MARCO: variants seen among roughly 807,000 people sequenced by gnomAD.
The protein encoded by MARCO is macrophage receptor MARCO.
Under a neutral mutation model 70.0 loss-of-function variants are expected in MARCO, and 72 were observed. The ratio of observed to expected loss-of-function variants is 1.03; its 90% CI spans 0.85 to 1.25. The LOEUF is 1.25. MARCO is among the 50% of genes most tolerant of loss of function. The pLI is 0.00. For missense variants in MARCO, 696 were observed against 659.3 expected, an observed-to-expected ratio of 1.06 and a Z score of -0.61; for synonymous variants, 273 against 243.1, an observed-to-expected ratio of 1.12 and a Z score of -1.14.
At position 118,947,131 on chromosome 2, in the gene MARCO, T is replaced by A. The variant is rs191592265; in HGVS notation, c.97+4734T>A. On this transcript the variant is annotated intron_variant, in intron 1 of 16. Coordinates refer to ENST00000327097, the MANE Select transcript of MARCO (RefSeq NM_006770.4). Reference sequence around the variant, plus strand: ...TGTAACTTGCATTGTTATGTTCATATCAGCATCTTTTACAATGCAAAAGTT... The same window carrying A: ...TGTAACTTGCATTGTTATGTTCATAACAGCATCTTTTACAATGCAAAAGTT... Among the ~76,000 whole-genome samples, 266 of 152,322 alleles carry A rather than the reference T, an allele frequency of 1.7e-3. 1 individual carries two copies. Among genetic ancestry groups the A allele is most frequent in the Middle Eastern group, 3.4e-3 (1 of 294 alleles).
At chr2:118,954,519 T>A (rs115691269) in intron 1 of MARCO, among the ~76,000 whole-genome samples, 4,693 of 152,306 alleles carry the variant, frequency 0.031, 107 homozygotes, top group Non-Finnish European at 0.046. Context: ...CATGTGATAT[T>A]GGGAGTTCTA....
chr2:118,962,839 T>A (rs908848794), intron 1 of MARCO, among the ~76,000 whole-genome samples: 5 of 152,188 alleles, frequency 3.3e-5, no homozygotes, highest in Middle Eastern at 3.4e-3. Flanking sequence ...TTTTGGTAGT[T>A]TGTGGCTTTT....
intron 1 of MARCO, among the ~76,000 whole-genome samples, 169 bp downstream of exon 1, chr2:118,942,566 T>C (rs1263798947): frequency 6.6e-6 from 1 of 152,254 alleles, no homozygotes; most frequent in Non-Finnish European, 1.5e-5. Context: ...ATTTCTGGAA[T>C]GCTAATAATA....
chr2:118,956,669 A>G (rs1222692827), intron 1 of MARCO, among the ~76,000 whole-genome samples: 1 of 152,200 alleles, frequency 6.6e-6, no homozygotes, highest in African/African-American at 2.4e-5. Context: ...AGAACATTTC[A>G]TCCAACAACC....
chr2:118,990,621 T>C lies in MARCO; in HGVS notation c.1096T>C (p.Ser366Pro). 7.0e-7 allele frequency: 1 copy of C among 1,435,832 alleles called. No homozygotes were observed. Among genetic ancestry groups the C allele is most frequent in the Middle Eastern group, 1.9e-4 (1 of 5,132 alleles). The allele number at this position is 1,435,832 out of a possible 1,614,324, so 88.9% of individuals were successfully genotyped here. ...AGGACAGCAAGGAAGAAAAGGAGAA[T>C]CAGGAGTTCCAGGTAAAGGGCAGGC... ...LQGQQGRKGESGVPGPAGVKG... is the reference protein window; with the variant it reads ...LQGQQGRKGEPGVPGPAGVKG... The change falls in exon 13 of 17, where the codon TCA becomes CCA. Residue 366 changes from serine (S) to proline (P), a missense_variant. Physicochemically the swap from Ser to Pro is moderately conservative, Grantham distance 74. Around this residue, in one of 3 missense-constraint regions of MARCO, gnomAD observed 605 missense variants for 537.6 expected, o/e 1.13. Transcript: ENST00000327097.
intron 1 of MARCO, among the ~76,000 whole-genome samples, chr2:118,953,835 GA>G (rs1162984022): frequency 6.6e-6 from 1 of 152,178 alleles, no homozygotes; most frequent in Admixed American, 6.5e-5. Context: ...AGAAGTTTCT[GA>G]CTTTACCTGG....
intron 1 of MARCO, among the ~76,000 whole-genome samples, chr2:118,946,607 A>G (rs533006023): frequency 4.2e-4 from 64 of 151,172 alleles, no homozygotes; most frequent in African/African-American, 1.5e-3. Context: ...TTTGGGGGCT[A>G]TTACAAATAA....
chr2:118,974,257 C>T, intron 4 of MARCO, 76 bp from the exon 5 acceptor site: 1 of 859,328 alleles, frequency 1.2e-6, no homozygotes, highest in Non-Finnish European at 1.9e-6. Flanking sequence ...GAATGAATCA[C>T]CATGTAAGTG....
At chr2:118,994,315 G>T in intron 16 of MARCO, 72 bp from the exon 17 acceptor site, 2 of 1,556,886 alleles carry the variant, frequency 1.3e-6, no homozygotes, top group Admixed American at 1.7e-5. Context: ...GCTCCCAGGC[G>T]CACACGTGGC....
intron 16 of MARCO, among the ~76,000 whole-genome samples, chr2:118,994,097 G>A (rs1416655528): frequency 6.6e-6 from 1 of 152,200 alleles, no homozygotes; most frequent in Non-Finnish European, 1.5e-5. Context: ...ACCCGCCTAG[G>A]AAGATATTTC....
intron 3 of MARCO, among the ~76,000 whole-genome samples, chr2:118,971,045 C>T (rs1680158568): frequency 6.6e-6 from 1 of 152,180 alleles, no homozygotes; most frequent in African/African-American, 2.4e-5. Context: ...GAGGCTGTGG[C>T]CTCCCCAGGG....
At chr2:118,953,757 T>A (rs1358398121) in intron 1 of MARCO, among the ~76,000 whole-genome samples, 2 of 152,152 alleles carry the variant, frequency 1.3e-5, no homozygotes, top group Admixed American at 1.3e-4. Flanking sequence ...GCCGTGTAAG[T>A]GGAAAAGGGA....
At chr2:118,969,019 G>A (rs943447853) in intron 1 of MARCO, 141 bp from the exon 2 acceptor site, 2 of 654,082 alleles carry the variant, frequency 3.1e-6, no homozygotes, top group East Asian at 2.6e-5. Flanking sequence ...GGGATGATTT[G>A]GGAGTCATGA....
At position 118,986,676 on chromosome 2, in the gene MARCO, A is replaced by AAG. The variant is rs1558671765; in HGVS notation, c.1064-3913_1064-3912insAG. ...AAGAAGGAAGGAAGGAAGGAAGGAA[A>AAG]GAAAGAAAGAAAGAAAGAAAGAAAG... On this transcript the variant is annotated intron_variant, in intron 12 of 16. Transcript: ENST00000327097. Among the ~76,000 whole-genome samples the AAG allele has an allele frequency of 1.1e-3, 49 of 44,890 alleles. 12 individuals carry two copies. Among genetic ancestry groups the AAG allele is most frequent in the Middle Eastern group, 0.011 (1 of 92 alleles). 29.4% of individuals were successfully genotyped at this position (44,890 alleles called of 152,430 possible).
rs572089350 is a variant in MARCO, at chr2:118,985,548, AG to A, written c.1063+3139del. Reference sequence around the variant, plus strand: ...TATTAAGCAAGGCACCATACCCTGCAGAACCTTCTCTCAGGGTCACTTTTTT... The same window carrying A: ...TATTAAGCAAGGCACCATACCCTGCAAACCTTCTCTCAGGGTCACTTTTTT... On this transcript the variant is annotated intron_variant, in intron 12 of 16. Transcript: ENST00000327097. 1.6e-3 allele frequency among the ~76,000 whole-genome samples: 240 copies of A among 152,342 alleles called. 1 individual carries two copies. The highest frequency in any genetic ancestry group is 5.3e-3 in the African/African-American group (222 of 41,584).
At chr2:118,973,862 T>C (rs1179982055) in intron 4 of MARCO, among the ~76,000 whole-genome samples, 1 of 152,184 alleles carries the variant, frequency 6.6e-6, no homozygotes, top group East Asian at 1.9e-4. Flanking sequence ...CAAATACCTA[T>C]TGAAAGTTCC....
intron 1 of MARCO, among the ~76,000 whole-genome samples, chr2:118,963,584 C>G (rs1035298589): frequency 3.3e-5 from 5 of 151,948 alleles, no homozygotes; most frequent in African/African-American, 1.2e-4. Flanking sequence ...CTGGAGTATT[C>G]TGTGTGTTCA....
intron 13 of MARCO, among the ~76,000 whole-genome samples, chr2:118,990,867 A>C (rs1680609037): frequency 6.9e-6 from 1 of 144,720 alleles, no homozygotes; most frequent in Non-Finnish European, 1.5e-5. Flanking sequence ...TGAGGATGGC[A>C]AAGGGGCTGA....
intron 7 of MARCO, 118 bp downstream of exon 7, chr2:118,977,633 C>G (rs1314462918): frequency 1.1e-6 from 1 of 917,338 alleles, no homozygotes. Context: ...CAGTTACTGC[C>G]CACCCTACAG....
Sources: allele counts gnomAD v4.1 joint callset (sites outside exome capture counted in the v4.1 genomes callset), GRCh38; gene constraint gnomAD v4.1.1; regional missense constraint gnomAD v4.1.1; transcripts MANE v1.5; gene names NCBI Gene and HGNC (gene_info 2026-07-23, HGNC 2026-07-21).